Variants in SOX6 observed in about 807,000 individuals in gnomAD.
The protein encoded by SOX6 is transcription factor SOX-6.
In SOX6, 11 loss-of-function variants were observed where a neutral mutation model predicts 97.8. The ratio of observed to expected loss-of-function variants is 0.11; its 90% CI spans 0.07 to 0.19. SOX6 has a LOEUF of 0.19. Among genes scored for constraint, SOX6 ranks in the 10% least tolerant of loss-of-function variants. The probability of loss-of-function intolerance (pLI) is 1.00; values close to 1 mark genes in which losing one functional copy is unlikely to be tolerated. For synonymous variants in SOX6, 360 were observed against 371.4 expected (o/e 0.97, Z 0.35); for missense variants, 810 against 1,039.5 (o/e 0.78, Z 3.04).
chr11:16,192,776 T>C lies in SOX6; in HGVS notation c.536-5821A>G, dbSNP rs1040476363. ...ATAAAAAATTAAGTTTAAAATGTATTTAAAAGCCTTTTTTTACATCAGTTC... is the reference window on the plus strand; with the variant it reads ...ATAAAAAATTAAGTTTAAAATGTATCTAAAAGCCTTTTTTTACATCAGTTC... On this transcript the variant is annotated intron_variant, in intron 4 of 15. Transcript: ENST00000683767. 3.9e-5 allele frequency among the ~76,000 whole-genome samples: 6 copies of C among 152,290 alleles called. No homozygotes were observed. The East Asian group carries it at 9.6e-4, about 24-fold the overall frequency.
intron 15 of SOX6, among the ~76,000 whole-genome samples, chr11:15,978,690 A>G (rs753719397): frequency 8.0e-5 from 12 of 149,290 alleles, no homozygotes; most frequent in Admixed American, 2.0e-4. Context: ...GTCCCAATTT[A>G]TATCTCCAGT....
At chr11:15,987,432 C>G (rs888500626) in intron 14 of SOX6, among the ~76,000 whole-genome samples, 1 of 152,134 alleles carries the variant, frequency 6.6e-6, no homozygotes, top group African/African-American at 2.4e-5. Flanking sequence ...CAGCTTAAAG[C>G]CCCAATTAAC....
At chr11:16,325,984 C>T (rs1279471537) in intron 2 of SOX6, among the ~76,000 whole-genome samples, 1 of 152,154 alleles carries the variant, frequency 6.6e-6, no homozygotes, top group African/African-American at 2.4e-5. Context: ...CACCAGACAC[C>T]AAACCTGCTG....
intron 3 of SOX6, among the ~76,000 whole-genome samples, chr11:16,678,513 T>A (rs1180285614): frequency 1.3e-5 from 2 of 151,610 alleles, no homozygotes; most frequent in Non-Finnish European, 2.9e-5. Context: ...ACAGCTCCAG[T>A]CTGCAGCTCC....
chr11:16,335,222 C>A (rs913391952), intron 2 of SOX6, among the ~76,000 whole-genome samples: 2 of 152,134 alleles, frequency 1.3e-5, no homozygotes, highest in Non-Finnish European at 2.9e-5. Flanking sequence ...AAATACTATT[C>A]AGTGATTCAA....
chr11:16,651,917 C>T lies in SOX6; in HGVS notation n.430-39657G>A, dbSNP rs374435951. Among the ~76,000 whole-genome samples, 19 of 151,560 alleles carry T rather than the reference C, an allele frequency of 1.3e-4. No individual in the cohort carries two copies. The East Asian group carries it at 2.3e-3, about 19-fold the overall frequency. ...AAGCTCATAGATCTGATAAGTAAAG[C>T]TTCAGAATACAAAATTTATGTACAC... On this transcript the variant is annotated intron_variant and non_coding_transcript_variant, in intron 3 of 5. Coordinates refer to the SOX6 transcript ENST00000524520.
chr11:16,372,921 T>A (rs1332139759), intron 1 of SOX6, among the ~76,000 whole-genome samples: 2 of 152,134 alleles, frequency 1.3e-5, no homozygotes, highest in East Asian at 3.9e-4. Context: ...TTTTTTGTCC[T>A]TATGCCATAA....
intron 3 of SOX6, chr11:16,312,118 G>A (rs1855620527): frequency 6.6e-6 from 1 of 152,030 alleles, no homozygotes; most frequent in Non-Finnish European, 1.5e-5. Context: ...CAATTCCACT[G>A]GGCAAATACT....
At chr11:16,290,583 A>G (rs1565073120) in intron 3 of SOX6, among the ~76,000 whole-genome samples, 1 of 152,088 alleles carries the variant, frequency 6.6e-6, no homozygotes, top group Admixed American at 6.6e-5. Flanking sequence ...GTGTTTTGTC[A>G]TTTCTGACGA....
At chr11:16,240,044 CA>C (rs1015316178) in intron 3 of SOX6, among the ~76,000 whole-genome samples, 1 of 151,998 alleles carries the variant, frequency 6.6e-6, no homozygotes, top group African/African-American at 2.4e-5. Context: ...TCAATATGAA[CA>C]ATTTGTAAAT....
chr11:16,473,662 C>T (rs765521476), intron 1 of SOX6, among the ~76,000 whole-genome samples: 1 of 151,000 alleles, frequency 6.6e-6, no homozygotes, highest in Non-Finnish European at 1.5e-5. Flanking sequence ...AGCAATTCTT[C>T]TGCCTCAGCC....
At chr11:16,046,395 C>T in intron 12 of SOX6, 119 bp downstream of exon 12, 1 of 1,015,226 alleles carries the variant, frequency 9.9e-7, no homozygotes, top group Non-Finnish European at 1.5e-6. Context: ...TACAAGACAG[C>T]CCTCAAGCTG....
In SOX6 at chr11:16,104,872, C is replaced by T. The variant is rs1490495152; in HGVS notation, c.898+6931G>A. ...ATAGAAAACCTCAACAGACCCATAA[C>T]AAGTAAAGACAATGAATCAATGATC... On this transcript the variant is annotated intron_variant, in intron 7 of 15. Transcript: ENST00000683767. Among the ~76,000 whole-genome samples, 3 of 151,904 alleles carry T rather than the reference C, an allele frequency of 2.0e-5. No individual in the cohort carries two copies. In the East Asian group the frequency reaches 5.8e-4, roughly 29 times the overall value.
At chr11:16,257,609 G>A (rs182497777) in intron 3 of SOX6, among the ~76,000 whole-genome samples, 130 of 151,830 alleles carry the variant, frequency 8.6e-4, no homozygotes, top group African/African-American at 2.9e-3. Context: ...AATTTCTAGA[G>A]ATAACATAGG....
chr11:16,284,904 A>G lies in SOX6; in HGVS notation c.445+33542T>C, dbSNP rs543217710. Among the ~76,000 whole-genome samples, 48 of 152,252 alleles carry G rather than the reference A, an allele frequency of 3.2e-4. 1 individual carries two copies. The highest frequency in any genetic ancestry group is 3.4e-3 in the Middle Eastern group (1 of 294). On this transcript the variant is annotated intron_variant, in intron 3 of 15. Coordinates refer to ENST00000683767, the MANE Select transcript of SOX6 (RefSeq NM_001367873.1). ...TGATTTTTCAGTAATAATGAAACAC[A>G]TGTCCTAAGGTCTAAACACTTTCTT...
At chr11:16,434,800 G>C (rs559392027) in intron 1 of SOX6, among the ~76,000 whole-genome samples, 1 of 152,042 alleles carries the variant, frequency 6.6e-6, no homozygotes, top group South Asian at 2.1e-4. Flanking sequence ...AAATACTTGA[G>C]AGAAAATATG....
At chr11:16,358,750 CT>C (rs1322947064), upstream of SOX6, among the ~76,000 whole-genome samples, 1 of 152,132 alleles carries the variant, frequency 6.6e-6, no homozygotes, top group Non-Finnish European at 1.5e-5. Context: ...AAGAAAATCC[CT>C]TTTCTCTGGC....
At chr11:16,461,634 A>G (rs1030427577) in intron 1 of SOX6, among the ~76,000 whole-genome samples, 17 of 152,120 alleles carry the variant, frequency 1.1e-4, no homozygotes, top group African/African-American at 3.9e-4. Flanking sequence ...TATTCCACTG[A>G]CAAAATCCCA....
At chr11:16,469,690 C>A (rs1184859833) in intron 1 of SOX6, among the ~76,000 whole-genome samples, 1 of 152,080 alleles carries the variant, frequency 6.6e-6, no homozygotes, top group Non-Finnish European at 1.5e-5. Context: ...AAATTTCATA[C>A]ACCTAAATCC....
Sources: gnomAD v4.1 joint callset for allele counts (sites outside exome capture counted in the v4.1 genomes callset) on GRCh38, gnomAD v4.1.1 for gene constraint, MANE v1.5 for transcripts, NCBI Gene and HGNC (gene_info 2026-07-23, HGNC 2026-07-21) for gene names.